ADCY8: variants seen among roughly 807,000 people sequenced by gnomAD.
ADCY8 encodes adenylate cyclase type 8.
A neutral mutation model predicts 119.7 loss-of-function variants in ADCY8; 51 were observed. That is an observed-to-expected ratio of 0.43 (90% CI 0.34 to 0.54). The LOEUF (loss-of-function observed/expected upper bound fraction) is 0.54. Among genes scored for constraint, ADCY8 ranks in the 20% least tolerant of loss-of-function variants. The pLI is 0.03. For synonymous variants in ADCY8, 665 were observed against 651.0 expected, an observed-to-expected ratio of 1.02 and a Z score of -0.33; for missense variants, 1,383 against 1,598.8, an observed-to-expected ratio of 0.87 and a Z score of 2.30.
intron 6 of ADCY8, among the ~76,000 whole-genome samples, chr8:130,906,411 T>A (rs1819787711): frequency 1.3e-5 from 2 of 152,232 alleles, no homozygotes; most frequent in African/African-American, 4.8e-5. Flanking sequence ...GGATTCTATT[T>A]TTATTATTCT....
chr8:130,924,585 G>T (rs1410867618), intron 5 of ADCY8, among the ~76,000 whole-genome samples: 1 of 152,078 alleles, frequency 6.6e-6, no homozygotes, highest in African/African-American at 2.4e-5. Context: ...CTGTCTCTAG[G>T]TCTCATCTTC....
intron 1 of ADCY8, among the ~76,000 whole-genome samples, chr8:131,025,451 T>C (rs939882896): frequency 1.3e-5 from 2 of 152,114 alleles, no homozygotes; most frequent in Admixed American, 1.3e-4. Context: ...GAAACAGCAA[T>C]ACTGATGCGA....
intron 12 of ADCY8, among the ~76,000 whole-genome samples, chr8:130,822,162 G>T (rs755917177): frequency 1.3e-5 from 2 of 152,128 alleles, no homozygotes; most frequent in Non-Finnish European, 2.9e-5. Context: ...TCCGTGGAAA[G>T]GATACATCCT....
At position 130,833,739 on chromosome 8, in the gene ADCY8, C is replaced by G. The variant is rs1259707315; in HGVS notation, c.2675+2538G>C. Among the ~76,000 whole-genome samples, 4 of 152,278 alleles carry G rather than the reference C, an allele frequency of 2.6e-5. No homozygotes were observed. In the East Asian group the frequency reaches 7.7e-4, roughly 29 times the overall value. Reference sequence around the variant, plus strand: ...ATATAGACAGATGATATATATGTCACTTTACCTATGAGCAAACTGAGCACA... The same window carrying G: ...ATATAGACAGATGATATATATGTCAGTTTACCTATGAGCAAACTGAGCACA... On this transcript the variant is annotated intron_variant, in intron 12 of 17. Transcript: ENST00000286355.
intron 7 of ADCY8, among the ~76,000 whole-genome samples, chr8:130,893,484 G>A (rs1411635426): frequency 6.6e-6 from 1 of 152,184 alleles, no homozygotes; most frequent in African/African-American, 2.4e-5. Context: ...ATTGGCTGTA[G>A]TTGGTGAGAT....
chr8:130,807,368 C>A (rs907466311), intron 14 of ADCY8, among the ~76,000 whole-genome samples: 3 of 152,274 alleles, frequency 2.0e-5, no homozygotes, highest in South Asian at 4.1e-4. Flanking sequence ...CTTCCATGAC[C>A]CTTGCTCTTT....
chr8:130,809,559 T>A (rs1816094540), intron 14 of ADCY8, among the ~76,000 whole-genome samples: 1 of 142,866 alleles, frequency 7.0e-6, no homozygotes, highest in African/African-American at 2.7e-5. Context: ...CTGGAATTCT[T>A]TTCCTCCACC....
intron 9 of ADCY8, among the ~76,000 whole-genome samples, 158 bp from the exon 10 acceptor site, chr8:130,849,961 A>G (rs951062719): frequency 1.3e-5 from 2 of 152,222 alleles, no homozygotes; most frequent in Non-Finnish European, 2.9e-5. Context: ...GATTTTTAAA[A>G]ATTACATGCA....
chr8:131,007,586 A>G (rs1383771669), intron 1 of ADCY8, among the ~76,000 whole-genome samples: 1 of 152,268 alleles, frequency 6.6e-6, no homozygotes, highest in African/African-American at 2.4e-5. Context: ...AGTCACCAGC[A>G]TACAGTAGAT....
At chr8:131,011,155 T>C (rs1400988296) in intron 1 of ADCY8, among the ~76,000 whole-genome samples, 1 of 140,960 alleles carries the variant, frequency 7.1e-6, no homozygotes, top group African/African-American at 2.8e-5. Context: ...GAAAGGTGCA[T>C]ATTAAAAGTT....
At chr8:130,907,971 C>T (rs1819845281) in intron 6 of ADCY8, among the ~76,000 whole-genome samples, 1 of 152,136 alleles carries the variant, frequency 6.6e-6, no homozygotes, top group Non-Finnish European at 1.5e-5. Context: ...TTAGCTCCCA[C>T]TTAGAAGTGA....
At chr8:130,854,571 T>A (rs1335985063) in intron 9 of ADCY8, among the ~76,000 whole-genome samples, 1 of 152,190 alleles carries the variant, frequency 6.6e-6, no homozygotes, top group Non-Finnish European at 1.5e-5. Context: ...GCAGCAACCC[T>A]GAAGAAAGAT....
At chr8:130,970,073 G>T (rs1008388893) in intron 2 of ADCY8, among the ~76,000 whole-genome samples, 1 of 152,186 alleles carries the variant, frequency 6.6e-6, no homozygotes, top group Non-Finnish European at 1.5e-5. Flanking sequence ...CTATGCATGT[G>T]CTTTCAACCT....
intron 1 of ADCY8, among the ~76,000 whole-genome samples, chr8:131,019,793 C>A (rs1330441798): frequency 1.4e-5 from 2 of 141,848 alleles, no homozygotes; most frequent in African/African-American, 5.2e-5. Context: ...ACACATGGAA[C>A]AAATTCTCTC....
intron 3 of ADCY8, among the ~76,000 whole-genome samples, chr8:130,946,013 A>C (rs16929): frequency 0.18 from 26,978 of 152,218 alleles, 2,896 homozygotes; most frequent in Non-Finnish European, 0.23. Context: ...CAGCTATGCT[A>C]TTTTTGAAGA....
chr8:130,987,404 T>C (rs1434283169), intron 2 of ADCY8, among the ~76,000 whole-genome samples: 1 of 152,168 alleles, frequency 6.6e-6, no homozygotes, highest in African/African-American at 2.4e-5. Flanking sequence ...TATATTCCCA[T>C]TGCTCAGCAG....
chr8:130,955,802 A>C (rs1821408275), intron 2 of ADCY8, among the ~76,000 whole-genome samples: 1 of 152,220 alleles, frequency 6.6e-6, no homozygotes, highest in Admixed American at 6.5e-5. Flanking sequence ...TCTGATGCAA[A>C]GAAATGCCTA....
intron 1 of ADCY8, among the ~76,000 whole-genome samples, chr8:131,022,121 TG>T (rs35691280): frequency 0.05 from 7,484 of 150,346 alleles, 256 homozygotes; most frequent in African/African-American, 0.095. Context: ...CACACCAATC[TG>T]TTTTTTTTAT....
chr8:130,873,341 C>G (rs997822082), intron 8 of ADCY8, among the ~76,000 whole-genome samples: 1 of 151,170 alleles, frequency 6.6e-6, no homozygotes, highest in Non-Finnish European at 1.5e-5. Flanking sequence ...TTTTGAGACA[C>G]GAGTTTCACT....
Sources: allele counts gnomAD v4.1 joint callset (sites outside exome capture counted in the v4.1 genomes callset), GRCh38; gene constraint gnomAD v4.1.1; transcripts MANE v1.5; gene names NCBI Gene and HGNC (gene_info 2026-07-23, HGNC 2026-07-21).